SRPK2: variants seen among roughly 807,000 people sequenced by gnomAD.
SRPK2 encodes the protein SRSF protein kinase 2, also known as SFRS protein kinase 2.
A neutral mutation model predicts 90.8 loss-of-function variants in SRPK2; 21 were observed. The ratio of observed to expected loss-of-function variants is 0.23; its 90% CI spans 0.16 to 0.33. The LOEUF (loss-of-function observed/expected upper bound fraction) is 0.33. SRPK2 is among the 10% of genes least tolerant of loss of function. The pLI, the probability that SRPK2 is intolerant of heterozygous loss-of-function variation, is 1.00. For synonymous variants in SRPK2, 288 were observed against 311.1 expected (o/e 0.93, Z 0.78); for missense variants, 620 against 869.0 (o/e 0.71, Z 3.60).
At chr7:105,275,379 C>T (rs1806353413) in intron 2 of SRPK2, among the ~76,000 whole-genome samples, 1 of 152,074 alleles carries the variant, frequency 6.6e-6, no homozygotes, top group South Asian at 2.1e-4. Context: ...GCATGATACT[C>T]TTCTTATTCA....
intron 2 of SRPK2, among the ~76,000 whole-genome samples, chr7:105,346,085 GGTGACA>G (rs1816420880): frequency 6.6e-6 from 1 of 152,190 alleles, no homozygotes; most frequent in African/African-American, 2.4e-5. Context: ...GGAAGTACCA[GGTGACA>G]GTCTTTCTAC....
rs1804038496 is a variant in SRPK2 at position 105,143,123 on chromosome 7, A to T, written c.1021T>A (p.Leu341Ile). 2 of 1,613,872 alleles carry T rather than the reference A, an allele frequency of 1.2e-6. No homozygotes were observed. The highest frequency in any genetic ancestry group is 2.7e-5 in the African/African-American group (2 of 74,852). Residue 341 changes from leucine to isoleucine, a missense_variant, in exon 10 of 16, where the codon TTA becomes ATA. By Grantham distance (5) the Leu-to-Ile change is conservative (BLOSUM62 2). Around this residue, in one of 8 missense-constraint regions of SRPK2, gnomAD observed 243 missense variants for 245.7 expected, o/e 0.99. Transcript: ENST00000393651. ...CPEVKLKTTGLEEAAEAETAK... is the reference protein window; with the variant it reads ...CPEVKLKTTGIEEAAEAETAK... Reference sequence around the variant, plus strand: ...GTCTCTGCCTCAGCCGCCTCCTCTAATCCTGTTGTTTTTAGTTTCACCTCT... The same window carrying T: ...GTCTCTGCCTCAGCCGCCTCCTCTATTCCTGTTGTTTTTAGTTTCACCTCT...
At chr7:105,277,152 C>T (rs1259501656) in intron 2 of SRPK2, among the ~76,000 whole-genome samples, 1 of 152,128 alleles carries the variant, frequency 6.6e-6, no homozygotes, top group Non-Finnish European at 1.5e-5. Flanking sequence ...TCTCCGCTCA[C>T]TGCAAGCTCC....
intron 13 of SRPK2, among the ~76,000 whole-genome samples, chr7:105,129,976 C>G (rs1801766915): frequency 6.6e-6 from 1 of 152,184 alleles, no homozygotes; most frequent in African/African-American, 2.4e-5. Context: ...AAAGTCCTAT[C>G]AGAGACTCTA....
chr7:105,375,086 G>A (rs1254594768), intron 2 of SRPK2, among the ~76,000 whole-genome samples: 1 of 152,026 alleles, frequency 6.6e-6, no homozygotes, highest in South Asian at 2.1e-4. Flanking sequence ...GAGAATATGA[G>A]TCATTTTTGT....
chr7:105,191,056 G>GA (rs1794220576), intron 3 of SRPK2, among the ~76,000 whole-genome samples: 1 of 152,226 alleles, frequency 6.6e-6, no homozygotes, highest in African/African-American at 2.4e-5. Flanking sequence ...TACAAAATTA[G>GA]AAAGAAATTG....
chr7:105,353,765 CAGAA>C (rs768969349), intron 2 of SRPK2, among the ~76,000 whole-genome samples: 9 of 152,160 alleles, frequency 5.9e-5, no homozygotes, highest in African/African-American at 1.7e-4. Context: ...GAGGGGATCT[CAGAA>C]AGAATCATCA....
chr7:105,355,493 AT>A (rs1563278647), intron 2 of SRPK2, among the ~76,000 whole-genome samples: 2 of 152,180 alleles, frequency 1.3e-5, no homozygotes, highest in Admixed American at 6.6e-5. Context: ...GAAAATAAAA[AT>A]TTTTAAAAAA....
intron 2 of SRPK2, among the ~76,000 whole-genome samples, chr7:105,310,232 G>A (rs911922821): frequency 5.3e-5 from 8 of 152,198 alleles, no homozygotes; most frequent in African/African-American, 1.9e-4. Context: ...CTGAAGTTCA[G>A]GGAACAGGGA....
At chr7:105,396,834 G>A (rs374004995) in intron 1 of SRPK2, among the ~76,000 whole-genome samples, 12 of 126,190 alleles carry the variant, frequency 9.5e-5, no homozygotes, top group African/African-American at 3.2e-4. Context: ...GAGAGAGAGA[G>A]AGAAAGAAAT....
intron 2 of SRPK2, among the ~76,000 whole-genome samples, chr7:105,209,841 A>T (rs1223648068): frequency 6.6e-6 from 1 of 152,220 alleles, no homozygotes; most frequent in East Asian, 1.9e-4. Context: ...TATTTTTCAC[A>T]AAGAACTATA....
chr7:105,386,523 G>C (rs1017918730), intron 2 of SRPK2, among the ~76,000 whole-genome samples: 4 of 151,788 alleles, frequency 2.6e-5, no homozygotes, highest in Admixed American at 6.6e-5. Flanking sequence ...AGACCAGCCC[G>C]GCCAACATGG....
At chr7:105,260,894 A>G (rs1377684071) in intron 2 of SRPK2, among the ~76,000 whole-genome samples, 3 of 146,462 alleles carry the variant, frequency 2.0e-5, no homozygotes, top group Non-Finnish European at 3.0e-5. Context: ...GGGGTGGGGG[A>G]CTGGGGGAGG....
intron 10 of SRPK2, 108 bp from the exon 11 acceptor site, chr7:105,142,598 C>T: frequency 7.0e-7 from 1 of 1,430,388 alleles, no homozygotes; most frequent in Non-Finnish European, 9.3e-7. Flanking sequence ...GCTTATGTAC[C>T]ACCTGGTAAA....
intron 6 of SRPK2, among the ~76,000 whole-genome samples, chr7:105,160,842 G>A (rs1050889471): frequency 2.0e-5 from 3 of 152,112 alleles, no homozygotes; most frequent in Non-Finnish European, 2.9e-5. Context: ...TTCCAGGACC[G>A]CTCTCAGATA....
At chr7:105,297,568 G>C in intron 2 of SRPK2, 1 of 896,480 alleles carries the variant, frequency 1.1e-6, no homozygotes, top group Non-Finnish European at 1.3e-6. Flanking sequence ...TACCATTTTA[G>C]ACATACAGAA....
At chr7:105,383,240 A>G (rs1172432599) in intron 2 of SRPK2, among the ~76,000 whole-genome samples, 1 of 138,798 alleles carries the variant, frequency 7.2e-6, no homozygotes, top group African/African-American at 2.7e-5. Flanking sequence ...AATTTTTTGT[A>G]TTTTTTTTTT....
intron 2 of SRPK2, among the ~76,000 whole-genome samples, chr7:105,231,892 C>G (rs1384845609): frequency 6.6e-6 from 1 of 152,218 alleles, no homozygotes; most frequent in Non-Finnish European, 1.5e-5. Flanking sequence ...GGGTCTCACT[C>G]TGTCACCTAG....
Position 105,290,759 on chromosome 7 carries a change from C to T in SRPK2, c.72-86974G>A, listed in dbSNP as rs560263343. On this transcript the variant is annotated intron_variant, in intron 2 of 15. Transcript: ENST00000393651. ...ACTTTGCCAAATGAAGAAATGAAGG[C>T]CGGGCGCGGTGGCTCACGCCTGTAA... Among the ~76,000 whole-genome samples, 67 of 152,240 alleles carry T rather than the reference C, an allele frequency of 4.4e-4. 1 individual carries two copies. Among genetic ancestry groups the T allele is most frequent in the African/African-American group, 1.6e-3 (66 of 41,544 alleles).
Sources: gnomAD v4.1 joint callset for allele counts (sites outside exome capture counted in the v4.1 genomes callset) on GRCh38, gnomAD v4.1.1 for gene constraint, gnomAD v4.1.1 regional missense constraint, MANE v1.5 for transcripts, NCBI Gene and HGNC (gene_info 2026-07-23, HGNC 2026-07-21) for gene names.